DCDC2C: variants seen among roughly 807,000 people sequenced by gnomAD.
DCDC2C encodes doublecortin domain-containing protein 2C.
A neutral mutation model predicts 45.0 loss-of-function variants in DCDC2C; 44 were observed. That is an observed-to-expected ratio of 0.98 (90% CI 0.77 to 1.26). The LOEUF (loss-of-function observed/expected upper bound fraction) is 1.26, where lower values mean the gene tolerates loss of function less well. Ranked by LOEUF, DCDC2C falls within the 50% of genes most tolerant of loss-of-function variation. The pLI, the probability that DCDC2C is intolerant of heterozygous loss-of-function variation, is 0.00. For missense variants in DCDC2C, 447 were observed against 468.9 expected, an observed-to-expected ratio of 0.95 and a Z score of 0.43; for synonymous variants, 187 against 178.8, an observed-to-expected ratio of 1.05 and a Z score of -0.37.
chr2:3,845,537 T>G (rs1415146501), intron 10 of DCDC2C, among the ~76,000 whole-genome samples: 1 of 152,226 alleles, frequency 6.6e-6, no homozygotes, highest in East Asian at 1.9e-4. Context: ...TATTTGGGCT[T>G]CTTGATTTGT....
chr2:3,811,485 A>G (rs1385676653), intron 10 of DCDC2C, among the ~76,000 whole-genome samples: 1 of 152,162 alleles, frequency 6.6e-6, no homozygotes, highest in East Asian at 1.9e-4. Context: ...TTGGGCTGAG[A>G]TGATGGGGTT....
At chr2:3,707,225 C>T (rs756807438) in intron 1 of DCDC2C, among the ~76,000 whole-genome samples, 4 of 152,136 alleles carry the variant, frequency 2.6e-5, no homozygotes, top group Non-Finnish European at 5.9e-5. Flanking sequence ...CTTGGGAGTG[C>T]AACATTGAAA....
intron 3 of DCDC2C, among the ~76,000 whole-genome samples, chr2:3,736,107 G>A (rs778189871): frequency 3.3e-5 from 5 of 152,148 alleles, no homozygotes; most frequent in Non-Finnish European, 5.9e-5. Context: ...GGTTAAATGA[G>A]TGCCAGGTGG....
chr2:3,834,184 T>C (rs1188241535), intron 10 of DCDC2C, among the ~76,000 whole-genome samples: 1 of 147,170 alleles, frequency 6.8e-6, no homozygotes, highest in Non-Finnish European at 1.5e-5. Flanking sequence ...GAACCAACAC[T>C]GACCCCTCAC....
intron 10 of DCDC2C, among the ~76,000 whole-genome samples, chr2:3,843,910 G>C (rs1572656026): frequency 6.6e-6 from 1 of 152,082 alleles, no homozygotes; most frequent in Admixed American, 6.6e-5. Context: ...CATTGCACTT[G>C]TAATACCCTA....
At chr2:3,773,970 T>A (rs1386905679) in intron 8 of DCDC2C, among the ~76,000 whole-genome samples, 1 of 152,246 alleles carries the variant, frequency 6.6e-6, no homozygotes, top group Admixed American at 6.5e-5. Flanking sequence ...GTATCTTTCC[T>A]TGGATTCTCA....
intron 2 of DCDC2C, among the ~76,000 whole-genome samples, chr2:3,712,541 C>A (rs114684499): frequency 6.6e-6 from 1 of 151,314 alleles, no homozygotes. Flanking sequence ...GAAGCTGAGG[C>A]GGGAGGATCA....
At position 3,837,619 on chromosome 2, in the gene DCDC2C, A is replaced by T. The variant is rs1672113042; in HGVS notation, c.1066-9535A>T. 5.9e-5 allele frequency among the ~76,000 whole-genome samples: 6 copies of T among 102,390 alleles called. 2 individuals carry two copies. Among genetic ancestry groups the T allele is most frequent in the Non-Finnish European group, 1.4e-4 (6 of 42,936 alleles). The allele number at this position is 102,390 out of a possible 152,430, so 67.2% of individuals were successfully genotyped here. A position where few individuals can be genotyped will look rare whatever the true frequency, so the allele number is the denominator to read the frequency against. On this transcript the variant is annotated intron_variant, in intron 10 of 10. Coordinates refer to ENST00000399143, the MANE Select transcript of DCDC2C (RefSeq NM_001287444.2). ...TTCTCATCTAAAGGGGAAGAAACTG[A>T]GGAAGAAATCAGCCTTTGGCTCCCC...
chr2:3,795,051 G>C (rs942188723), intron 10 of DCDC2C, among the ~76,000 whole-genome samples: 1 of 152,034 alleles, frequency 6.6e-6, no homozygotes, highest in Admixed American at 6.6e-5. Context: ...TTTAATGATT[G>C]CCATTCTAAC....
chr2:3,821,257 T>C (rs1671681931), intron 10 of DCDC2C, among the ~76,000 whole-genome samples: 1 of 152,194 alleles, frequency 6.6e-6, no homozygotes. Context: ...CTTTTGAGAT[T>C]CTGCAGTTAC....
At chr2:3,790,877 G>A (rs897586139) in intron 10 of DCDC2C, among the ~76,000 whole-genome samples, 1 of 152,148 alleles carries the variant, frequency 6.6e-6, no homozygotes. Context: ...GGGAGGCCAA[G>A]GAGGACAGAT....
intron 10 of DCDC2C, among the ~76,000 whole-genome samples, chr2:3,796,929 G>A (rs1670972501): frequency 6.6e-6 from 1 of 152,164 alleles, no homozygotes; most frequent in African/African-American, 2.4e-5. Context: ...GATTGAAATA[G>A]TTTCAGAAGG....
intron 2 of DCDC2C, among the ~76,000 whole-genome samples, chr2:3,715,885 A>T (rs184148579): frequency 4.6e-5 from 7 of 152,310 alleles, no homozygotes; most frequent in Admixed American, 4.6e-4. Context: ...GGGGGATATG[A>T]AATGTCATGC....
intron 5 of DCDC2C, 89 bp from the exon 6 acceptor site, chr2:3,754,503 C>G: frequency 7.4e-7 from 1 of 1,343,996 alleles, no homozygotes; most frequent in Admixed American, 2.3e-5. Flanking sequence ...GGTCACTTCC[C>G]TCCTAAAGAC....
intron 2 of DCDC2C, among the ~76,000 whole-genome samples, chr2:3,712,138 A>C (rs1668227950): frequency 6.6e-6 from 1 of 152,178 alleles, no homozygotes; most frequent in African/African-American, 2.4e-5. Flanking sequence ...TGGCCGACAC[A>C]CATGATTTAC....
chr2:3,768,013 A>C (rs947898024), intron 7 of DCDC2C, 133 bp downstream of exon 7: 4 of 1,067,116 alleles, frequency 3.7e-6, no homozygotes, highest in African/African-American at 1.7e-5. Flanking sequence ...CTTTATTAAT[A>C]AAAGGTTCAG....
At position 3,847,347 on chromosome 2, in the gene DCDC2C, C is replaced by G; in HGVS notation, c.*164C>G. On this transcript the variant is annotated 3_prime_UTR_variant, in exon 11 of 11. Coordinates refer to ENST00000399143, the MANE Select transcript of DCDC2C (RefSeq NM_001287444.2). ...CCAAAGACGAGGTTTCATAATTGAG[C>G]TCCATTTCTTCTTATTCCCTTTCTC... 2.4e-6 allele frequency: 1 copy of G among 408,392 alleles called. No individual in the cohort carries two copies. Among genetic ancestry groups the G allele is most frequent in the Non-Finnish European group, 4.2e-6 (1 of 237,566 alleles). 25.3% of individuals were successfully genotyped at this position (408,392 alleles called of 1,614,324 possible).
At chr2:3,784,468 AAGAG>A (rs1670596742) in intron 9 of DCDC2C, among the ~76,000 whole-genome samples, 1 of 152,042 alleles carries the variant, frequency 6.6e-6, no homozygotes, top group Admixed American at 6.5e-5. Context: ...AGATTCAATA[AAGAG>A]AGAGAGGGAC....
chr2:3,722,209 G>T (rs1489289140), intron 2 of DCDC2C, among the ~76,000 whole-genome samples: 1 of 152,220 alleles, frequency 6.6e-6, no homozygotes, highest in East Asian at 1.9e-4. Flanking sequence ...AGCCAGTACT[G>T]GGATCCTGGA....
Sources: gnomAD v4.1 joint callset for allele counts (sites outside exome capture counted in the v4.1 genomes callset) on GRCh38, gnomAD v4.1.1 for gene constraint, MANE v1.5 for transcripts, NCBI Gene and HGNC (gene_info 2026-07-23, HGNC 2026-07-21) for gene names.